NXPH4: variants seen among roughly 807,000 people sequenced by gnomAD.
NXPH4 encodes neurexophilin 4, also known as neurexophilin-4.
NXPH4 carries 8 observed loss-of-function variants against 21.3 expected under a neutral mutation model. The ratio of observed to expected loss-of-function variants is 0.38; its 90% CI spans 0.22 to 0.68. The LOEUF is 0.68. NXPH4 is among the 30% of genes least tolerant of loss of function. NXPH4 has a pLI of 0.53. For missense variants in NXPH4, 418 were observed against 416.8 expected (o/e 1.00, Z -0.03); for synonymous variants, 219 against 192.6 (o/e 1.14, Z -1.13).
chr12:57,219,267 C>T (rs1237245071), intron 1 of NXPH4, among the ~76,000 whole-genome samples: 1 of 152,076 alleles, frequency 6.6e-6, no homozygotes, highest in Non-Finnish European at 1.5e-5. Context: ...TCCAGGCTTC[C>T]CATTTCTCAG....
chr12:57,223,758 C>T (rs1213247336), intron 1 of NXPH4, among the ~76,000 whole-genome samples: 1 of 152,244 alleles, frequency 6.6e-6, no homozygotes, highest in East Asian at 1.9e-4. Context: ...CTGGCCACCC[C>T]CACTCACCCC....
chr12:57,224,787 C>T (rs538822167), intron 1 of NXPH4, 91 bp from the exon 2 acceptor site: 11 of 488,956 alleles, frequency 2.2e-5, no homozygotes, highest in Non-Finnish European at 3.6e-5. Flanking sequence ...GGTCTCCTAG[C>T]GGCTGTGGAA....
chr12:57,222,481 G>T (rs1462321657), intron 1 of NXPH4, among the ~76,000 whole-genome samples: 1 of 152,152 alleles, frequency 6.6e-6, no homozygotes. Context: ...TGGCTTGGAG[G>T]CATTTGGGGT....
intron 1 of NXPH4, among the ~76,000 whole-genome samples, chr12:57,224,400 G>A (rs1044180864): frequency 6.6e-6 from 1 of 152,206 alleles, no homozygotes; most frequent in Non-Finnish European, 1.5e-5. Context: ...GGGATTACAG[G>A]CGTGAGTCAC....
At chr12:57,218,500 C>T (rs1425265743) in intron 1 of NXPH4, among the ~76,000 whole-genome samples, 2 of 151,794 alleles carry the variant, frequency 1.3e-5, no homozygotes, top group Non-Finnish European at 2.9e-5. Flanking sequence ...TCTCTTGCCC[C>T]TCCTTTCCAC....
chr12:57,224,940 G>A lies in NXPH4; in HGVS notation c.120G>A (p.Ala40=). The stretch of plus-strand genomic sequence containing the variant: ...AGTACCTGGGGCTGCGCCCCGCCGC[G>A]GCCGGAGCGGGTGCCCCCGGCCAGC... The part of the protein sequence containing the change: ...RPQYLGLRPA[A]AGAGAPGQQL... Residue 40 remains alanine, a synonymous_variant, in exon 2 of 2, where the codon GCG becomes GCA. Transcript: ENST00000349394. 1 of 1,383,516 alleles carries A rather than the reference G, an allele frequency of 7.2e-7. No individual in the cohort carries two copies. 85.7% of individuals were successfully genotyped at this position (1,383,516 alleles called of 1,614,324 possible).
chr12:57,221,233 C>G, intron 1 of NXPH4: 1 of 424,572 alleles, frequency 2.4e-6, no homozygotes, highest in Non-Finnish European at 4.9e-6. Context: ...CCAGACTCCA[C>G]CGGCCCCTAT....
chr12:57,220,181 G>T (rs970457008), intron 1 of NXPH4, among the ~76,000 whole-genome samples: 1 of 152,146 alleles, frequency 6.6e-6, no homozygotes, highest in African/African-American at 2.4e-5. Context: ...GCCCAGTGGG[G>T]ATGGGGAGCA....
chr12:57,225,477 G>A lies in NXPH4; in HGVS notation c.657G>A (p.Ala219=), dbSNP rs777826025. ...CACTGGCGGGGCCGCTTGGGGGCGC[G>A]TTGGGAGTGCCTGGGGCCAAAGAGT... The part of the protein sequence containing the change: ...GGALAGPLGG[A]LGVPGAKESR... The change falls in exon 2 of 2, where the codon GCG becomes GCA. Residue 219 remains alanine, a synonymous_variant. Coordinates refer to ENST00000349394, the MANE Select transcript of NXPH4 (RefSeq NM_007224.4). The A allele has an allele frequency of 2.4e-5, 39 of 1,601,730 alleles. 1 individual carries two copies. Among genetic ancestry groups the A allele is most frequent in the Admixed American group, 2.0e-4 (12 of 58,694 alleles).
At chr12:57,217,048 C>A in intron 1 of NXPH4, 22 bp downstream of exon 1, 1 of 1,580,178 alleles carries the variant, frequency 6.3e-7, no homozygotes, top group Non-Finnish European at 8.6e-7. Flanking sequence ...AGGGCTGGGG[C>A]GCTAGCGCGG....
intron 1 of NXPH4, among the ~76,000 whole-genome samples, chr12:57,224,664 A>G (rs1397185093): frequency 6.6e-6 from 1 of 152,218 alleles, no homozygotes; most frequent in Non-Finnish European, 1.5e-5. Context: ...CAGATGTACA[A>G]ACTGAGGCCC....
chr12:57,217,075 C>T lies in NXPH4; in HGVS notation c.57+49C>T, dbSNP rs1236934822. ...CTAGCGCGGGCGCGGGGTTCCGGGACGCGAAGGTCCCAGTGTGCGAGGGGC... is the reference window on the plus strand; with the variant it reads ...CTAGCGCGGGCGCGGGGTTCCGGGATGCGAAGGTCCCAGTGTGCGAGGGGC... On this transcript the variant is annotated intron_variant, in intron 1 of 1. Coordinates refer to ENST00000349394, the MANE Select transcript of NXPH4 (RefSeq NM_007224.4). 5 of 1,518,286 alleles carry T rather than the reference C, an allele frequency of 3.3e-6. No homozygotes were observed. In the African/African-American group the frequency reaches 5.6e-5, roughly 17 times the overall value. 94.1% of individuals were successfully genotyped at this position (1,518,286 alleles called of 1,614,324 possible).
At chr12:57,220,343 C>T (rs1275725626) in intron 1 of NXPH4, among the ~76,000 whole-genome samples, 1 of 152,248 alleles carries the variant, frequency 6.6e-6, no homozygotes, top group Non-Finnish European at 1.5e-5. Context: ...CCACCGCGCC[C>T]CGGAGCCGGC....
chr12:57,224,531 C>G (rs560598323), intron 1 of NXPH4, among the ~76,000 whole-genome samples: 1 of 152,348 alleles, frequency 6.6e-6, no homozygotes, highest in East Asian at 1.9e-4. Context: ...CAACCAGGTG[C>G]CGGGCCAGGA....
chr12:57,226,165 C>T lies in NXPH4; in HGVS notation c.*418C>T. 4.5e-6 allele frequency: 2 copies of T among 444,438 alleles called. No individual in the cohort carries two copies. The highest frequency in any genetic ancestry group is 7.9e-6 in the Non-Finnish European group (2 of 252,678). 27.5% of individuals were successfully genotyped at this position (444,438 alleles called of 1,614,324 possible). On this transcript the variant is annotated 3_prime_UTR_variant, in exon 2 of 2. Coordinates refer to ENST00000349394, the MANE Select transcript of NXPH4 (RefSeq NM_007224.4). ...ATCCCCCAGCGCTTGTCCTGCTTCA[C>T]CCTACCCCGCCTAAGACTGTAAAGG... is the stretch of plus-strand genomic sequence containing the variant.
At chr12:57,224,842 C>T in intron 1 of NXPH4, 36 bp from the exon 2 acceptor site, 1 of 651,916 alleles carries the variant, frequency 1.5e-6, no homozygotes. Context: ...CGGGGGACAA[C>T]CCCAGCGTCT....
chr12:57,222,442 T>C (rs895614387), intron 1 of NXPH4, among the ~76,000 whole-genome samples: 4 of 150,786 alleles, frequency 2.7e-5, no homozygotes, highest in Non-Finnish European at 4.4e-5. Context: ...GTACAAGACA[T>C]AGGGGTGCTC....
chr12:57,226,074 G>T lies in NXPH4; in HGVS notation c.*327G>T. 1 of 587,050 alleles carries T rather than the reference G, an allele frequency of 1.7e-6. No individual in the cohort carries two copies. 36.4% of individuals were successfully genotyped at this position (587,050 alleles called of 1,614,324 possible). ...CTTTTCACCCTTGGCGCTAGGCTGCGCACTCCCTTTCCCCGCAGCTTTAAT... is the reference window on the plus strand; with the variant it reads ...CTTTTCACCCTTGGCGCTAGGCTGCTCACTCCCTTTCCCCGCAGCTTTAAT... On this transcript the variant is annotated 3_prime_UTR_variant, in exon 2 of 2. Transcript: ENST00000349394.
intron 1 of NXPH4, among the ~76,000 whole-genome samples, chr12:57,223,676 C>T (rs2037113587): frequency 6.6e-6 from 1 of 152,254 alleles, no homozygotes; most frequent in Non-Finnish European, 1.5e-5. Flanking sequence ...CATGCAGCTC[C>T]TCTCTTGCCT....
Sources: gnomAD v4.1 joint callset for allele counts (sites outside exome capture counted in the v4.1 genomes callset) on GRCh38, gnomAD v4.1.1 for gene constraint, MANE v1.5 for transcripts, NCBI Gene and HGNC (gene_info 2026-07-23, HGNC 2026-07-21) for gene names.